The following MATCAP1 variants were observed in gnomAD, a reference collection of about 807,000 sequenced individuals.
The protein encoded by MATCAP1 is microtubule associated tyrosine carboxypeptidase 1.
the MATCAP1 span, chr16:67,178,880 C>G: frequency 6.1e-6 from 3 of 490,720 alleles, no homozygotes; most frequent in Non-Finnish European, 7.7e-6. Flanking sequence ...TCATCTTGAA[C>G]AGTCATGCTG....
chr16:67,180,247 T>C, the MATCAP1 span: 14 of 1,613,412 alleles, frequency 8.7e-6, no homozygotes, highest in Non-Finnish European at 1.2e-5. Flanking sequence ...GTCTTAGCAA[T>C]GTGAGGCAGG....
the MATCAP1 span, chr16:67,176,832 C>T: frequency 1.9e-6 from 3 of 1,600,956 alleles, no homozygotes; most frequent in Admixed American, 5.1e-5. This position sits in a 1 kb window ranked among gnomAD's most constrained non-coding sequence, Gnocchi z 4.3. Flanking sequence ...GCAGGCGACC[C>T]AGCTCCGCCT....
the MATCAP1 span, chr16:67,180,620 G>T: frequency 6.6e-7 from 1 of 1,506,844 alleles, no homozygotes; most frequent in South Asian, 1.3e-5. Flanking sequence ...TTCTGTCCTG[G>T]GGGTCACATC....
the MATCAP1 span, chr16:67,180,546 G>C: frequency 6.5e-7 from 1 of 1,537,496 alleles, no homozygotes. Context: ...GCGCAGGGAT[G>C]GGGGACTGGT....
At chr16:67,180,670 G>C in the MATCAP1 span, 1 of 1,306,248 alleles carries the variant, frequency 7.7e-7, no homozygotes. Flanking sequence ...TCGACCTCTG[G>C]GGACACAGAA....
the MATCAP1 span, among the ~76,000 whole-genome samples, chr16:67,181,091 T>G: frequency 6.6e-6 from 1 of 152,336 alleles, no homozygotes; most frequent in South Asian, 2.1e-4. Context: ...CCTGAGCTCC[T>G]GAAGGCAAGG....
At chr16:67,180,560 C>T in the MATCAP1 span, 62 of 1,528,432 alleles carry the variant, frequency 4.1e-5, no homozygotes, top group South Asian at 3.4e-4. Context: ...GACTGGTAGG[C>T]GGGCTGGGGG....
the MATCAP1 span, chr16:67,176,841 C>G: frequency 6.2e-7 from 1 of 1,606,836 alleles, no homozygotes; most frequent in East Asian, 2.2e-5. The surrounding 1 kb of genome is among the most constrained non-coding windows in gnomAD (Gnocchi z 4.3). Context: ...CCAGCTCCGC[C>G]TCATCCAGCC....
At chr16:67,181,464 G>C in the MATCAP1 span, 1 of 152,290 alleles carries the variant, frequency 6.6e-6, no homozygotes, top group Non-Finnish European at 1.5e-5. Context: ...CTATCTGAGG[G>C]ATCTTTCCAG....
At chr16:67,176,740 A>G in the MATCAP1 span, 1 of 1,412,406 alleles carries the variant, frequency 7.1e-7, no homozygotes, top group Non-Finnish European at 9.4e-7. This position sits in a 1 kb window ranked among gnomAD's most constrained non-coding sequence, Gnocchi z 4.3. Context: ...GCACAGAGCA[A>G]ACTGCTTCAT....
chr16:67,182,524 G>C, the MATCAP1 span, among the ~76,000 whole-genome samples: 3 of 152,220 alleles, frequency 2.0e-5, no homozygotes, highest in Admixed American at 6.5e-5. Context: ...AGTGCAATTT[G>C]AGATACTGTC....
chr16:67,180,022 G>A, the MATCAP1 span: 2 of 1,612,914 alleles, frequency 1.2e-6, no homozygotes, highest in South Asian at 2.2e-5. Flanking sequence ...CCAGGATACG[G>A]TGGGGAGGCT....
the MATCAP1 span, chr16:67,180,456 G>A: frequency 3.7e-6 from 6 of 1,607,762 alleles, no homozygotes; most frequent in Middle Eastern, 3.4e-4. Flanking sequence ...TGGGGGGACT[G>A]CCAGAGCCAG....
At chr16:67,183,889 C>T in the MATCAP1 span, 83 of 180,252 alleles carry the variant, frequency 4.6e-4, no homozygotes, top group Non-Finnish European at 8.3e-4. Context: ...CTCCTCTGCT[C>T]GCCGCCCGCC....
chr16:67,180,818 A>G, the MATCAP1 span, among the ~76,000 whole-genome samples: 1 of 152,188 alleles, frequency 6.6e-6, no homozygotes, highest in South Asian at 2.1e-4. Context: ...CATTGCCTCC[A>G]GCAGACTCAC....
the MATCAP1 span, chr16:67,178,883 T>C: frequency 3.2e-5 from 15 of 474,222 alleles, no homozygotes; most frequent in Admixed American, 2.9e-4. Flanking sequence ...TCTTGAACAG[T>C]CATGCTGATG....
At chr16:67,180,204 C>A in the MATCAP1 span, 2 of 1,614,220 alleles carry the variant, frequency 1.2e-6, no homozygotes, top group Non-Finnish European at 1.7e-6. Context: ...CATGCAGGGG[C>A]TCTTGCTGGC....
chr16:67,178,640 C>G, the MATCAP1 span: 7 of 810,840 alleles, frequency 8.6e-6, no homozygotes, highest in African/African-American at 1.0e-4. Flanking sequence ...AACTCAGGCT[C>G]GCACACAGGC....
chr16:67,183,030 C>T, the MATCAP1 span, among the ~76,000 whole-genome samples: 25 of 152,294 alleles, frequency 1.6e-4, no homozygotes, highest in Non-Finnish European at 3.5e-4. Context: ...TCCAAGAGCT[C>T]TTCTTTCAGA....
Sources: gnomAD v4.1 joint callset for allele counts (sites outside exome capture counted in the v4.1 genomes callset) on GRCh38, gnomAD v4.1.1 for gene constraint, Gnocchi (gnomAD v3.1) non-coding constraint, MANE v1.5 for transcripts, NCBI Gene and HGNC (gene_info 2026-07-23, HGNC 2026-07-21) for gene names.